The following RBFOX1 variants were observed in gnomAD, a reference collection of about 807,000 sequenced individuals.
The protein encoded by RBFOX1 is RNA binding fox-1 homolog 1, also known as RNA binding protein fox-1 homolog 1.
In RBFOX1, 8 loss-of-function variants were observed where a neutral mutation model predicts 57.7. That is an observed-to-expected ratio of 0.14 (90% confidence interval 0.08 to 0.25). The LOEUF (loss-of-function observed/expected upper bound fraction) is 0.25. RBFOX1 is among the 10% of genes least tolerant of loss of function. RBFOX1 has a pLI of 1.00. For synonymous variants in RBFOX1, 326 were observed against 222.4 expected, an observed-to-expected ratio of 1.47 and a Z score of -4.15; for missense variants, 611 against 548.5, an observed-to-expected ratio of 1.11 and a Z score of -1.14.
intron 3 of RBFOX1, among the ~76,000 whole-genome samples, chr16:7,041,976 T>A (rs79243844): frequency 0.094 from 14,310 of 152,136 alleles, 1,098 homozygotes; most frequent in East Asian, 0.32. Context: ...CTAACGTTAC[T>A]TAGGAGATGT....
chr16:6,804,481 C>T (rs1041278157), intron 3 of RBFOX1, among the ~76,000 whole-genome samples: 4 of 152,168 alleles, frequency 2.6e-5, no homozygotes, highest in Non-Finnish European at 2.9e-5. Flanking sequence ...ATGGAACTAA[C>T]AGGCTCAACA....
At chr16:6,830,881 T>A (rs774941432) in intron 3 of RBFOX1, among the ~76,000 whole-genome samples, 4 of 152,184 alleles carry the variant, frequency 2.6e-5, no homozygotes, top group Non-Finnish European at 5.9e-5. Context: ...CTCTCCCACC[T>A]CCTGGTCAGG....
At chr16:6,072,239 G>T (rs1356782636) in intron 1 of RBFOX1, among the ~76,000 whole-genome samples, 1 of 152,102 alleles carries the variant, frequency 6.6e-6, no homozygotes, top group Non-Finnish European at 1.5e-5. Context: ...ACCCCCCCAT[G>T]ATCCAATTAC....
chr16:7,006,736 C>G (rs978140872), intron 3 of RBFOX1, among the ~76,000 whole-genome samples: 2 of 152,152 alleles, frequency 1.3e-5, no homozygotes, highest in African/African-American at 2.4e-5. Flanking sequence ...ACATGAGCCA[C>G]CATGCCTGGC....
At chr16:7,092,142 C>T (rs766838156) in intron 4 of RBFOX1, among the ~76,000 whole-genome samples, 5 of 152,190 alleles carry the variant, frequency 3.3e-5, no homozygotes, top group Non-Finnish European at 2.9e-5. Context: ...CATGCACACA[C>T]ACCCTTCTTT....
intron 3 of RBFOX1, among the ~76,000 whole-genome samples, chr16:5,771,700 C>G (rs1057378529): frequency 6.6e-6 from 1 of 152,196 alleles, no homozygotes; most frequent in African/African-American, 2.4e-5. Flanking sequence ...TAAGCTACCA[C>G]ACCCCACCAA....
intron 11 of RBFOX1, among the ~76,000 whole-genome samples, chr16:7,639,944 G>T (rs2062486183): frequency 6.6e-6 from 1 of 152,094 alleles, no homozygotes; most frequent in South Asian, 2.1e-4. Flanking sequence ...CCCACCAATG[G>T]TGAACTCCAG....
At position 6,181,915 on chromosome 16, in the gene RBFOX1, C is replaced by T. The variant is rs1262072665; in HGVS notation, c.-126-135080C>T. ...AATATCATCTTGCAACATTTTGGCT[C>T]AGTTTCCATCGATGGGGATGCCGAG... On this transcript the variant is annotated intron_variant, in intron 1 of 15. Transcript: ENST00000550418. Among the ~76,000 whole-genome samples, 4 of 33,752 alleles carry T rather than the reference C, an allele frequency of 1.2e-4. No homozygotes were observed. The East Asian group carries it at 4.2e-3, about 36-fold the overall frequency. 22.1% of individuals were successfully genotyped at this position (33,752 alleles called of 152,430 possible). A position where few individuals can be genotyped will look rare whatever the true frequency, so the allele number is the denominator to read the frequency against.
intron 4 of RBFOX1, among the ~76,000 whole-genome samples, chr16:7,115,421 A>G (rs535476120): frequency 1.3e-5 from 2 of 152,180 alleles, no homozygotes; most frequent in Admixed American, 1.3e-4. Flanking sequence ...TTAGTTACCT[A>G]TTGCTATGTA....
At chr16:6,180,262 TTA>T (rs1215701387) in intron 1 of RBFOX1, among the ~76,000 whole-genome samples, 1 of 151,616 alleles carries the variant, frequency 6.6e-6, no homozygotes, top group African/African-American at 2.4e-5. Context: ...GGGTTTTTCT[TTA>T]TGTGAAGTTT....
chr16:5,283,923 C>T (rs1173747136), intron 1 of RBFOX1, among the ~76,000 whole-genome samples: 1 of 151,834 alleles, frequency 6.6e-6, no homozygotes, highest in Non-Finnish European at 1.5e-5. Flanking sequence ...TTGGGAGGGG[C>T]CAGGGGCAGA....
intron 3 of RBFOX1, among the ~76,000 whole-genome samples, chr16:6,852,083 G>C (rs551883256): frequency 6.6e-6 from 1 of 151,994 alleles, no homozygotes; most frequent in East Asian, 1.9e-4. Flanking sequence ...CTGCCACCAC[G>C]TAACTACCAC....
rs551679911 is a variant in RBFOX1 at position 7,556,895 on chromosome 16, TACTA to T, written c.271-22880_271-22877del. On this transcript the variant is annotated intron_variant, in intron 5 of 15. Coordinates refer to ENST00000550418, the MANE Select transcript of RBFOX1 (RefSeq NM_018723.4). The stretch of plus-strand genomic sequence containing the variant: ...TTCTGAAACCGACTTAGTTTAAAAT[TACTA>T]AGTCATTTTAATATCTATCAACCAT... Among the ~76,000 whole-genome samples, 829 of 152,356 alleles carry T rather than the reference TACTA, an allele frequency of 5.4e-3. 3 individuals are homozygous for T. Among genetic ancestry groups the T allele is most frequent in the Non-Finnish European group, 9.0e-3 (614 of 68,030 alleles).
At chr16:6,458,797 G>C (rs2094838883) in intron 2 of RBFOX1, among the ~76,000 whole-genome samples, 1 of 152,182 alleles carries the variant, frequency 6.6e-6, no homozygotes, top group African/African-American at 2.4e-5. Flanking sequence ...AATGCATGTG[G>C]ATTTCTAGGA....
chr16:6,363,797 A>C (rs1240263113), intron 2 of RBFOX1, among the ~76,000 whole-genome samples: 2 of 152,232 alleles, frequency 1.3e-5, no homozygotes, highest in African/African-American at 4.8e-5. Context: ...ATGTAAAATC[A>C]GACCCTCTTG....
intron 1 of RBFOX1, among the ~76,000 whole-genome samples, chr16:6,046,928 C>G (rs533091595): frequency 6.6e-6 from 1 of 152,012 alleles, no homozygotes; most frequent in Non-Finnish European, 1.5e-5. Context: ...GGCCAGATGT[C>G]TAAGTATATG....
chr16:5,691,863 A>G (rs751883621), intron 3 of RBFOX1, among the ~76,000 whole-genome samples: 15 of 152,142 alleles, frequency 9.9e-5, no homozygotes, highest in Non-Finnish European at 1.9e-4. Flanking sequence ...TTGGGATTCA[A>G]TCCCCATCCA....
intron 4 of RBFOX1, among the ~76,000 whole-genome samples, chr16:5,936,130 G>A (rs2059163187): frequency 6.6e-6 from 1 of 152,052 alleles, no homozygotes. Flanking sequence ...TGGTGGTGGT[G>A]GTTGTTGTTT....
chr16:6,900,208 G>A (rs1398332801), intron 3 of RBFOX1, among the ~76,000 whole-genome samples: 1 of 152,148 alleles, frequency 6.6e-6, no homozygotes, highest in Non-Finnish European at 1.5e-5. Flanking sequence ...GAATGTATCT[G>A]TGAATAATTC....
Sources: gnomAD v4.1 joint callset for allele counts (sites outside exome capture counted in the v4.1 genomes callset) on GRCh38, gnomAD v4.1.1 for gene constraint, MANE v1.5 for transcripts, NCBI Gene and HGNC (gene_info 2026-07-23, HGNC 2026-07-21) for gene names.